Variants in SRSF11 observed in about 807,000 individuals in gnomAD.
The protein encoded by SRSF11 is serine/arginine-rich splicing factor 11.
Under a neutral mutation model 56.0 loss-of-function variants are expected in SRSF11, and 9 were observed. That is an observed-to-expected ratio of 0.16 (90% CI 0.10 to 0.28). The LOEUF is 0.28. Ranked by LOEUF, SRSF11 falls within the 10% of genes least tolerant of loss-of-function variation. The probability of loss-of-function intolerance (pLI) is 1.00; values close to 1 mark genes in which losing one functional copy is unlikely to be tolerated. For synonymous variants in SRSF11, 222 were observed against 215.3 expected, an observed-to-expected ratio of 1.03 and a Z score of -0.27; for missense variants, 421 against 600.7, an observed-to-expected ratio of 0.70 and a Z score of 3.13.
chr1:70,220,199 A>T (rs1670397024), upstream of SRSF11, among the ~76,000 whole-genome samples: 2 of 152,308 alleles, frequency 1.3e-5, no homozygotes, highest in South Asian at 4.1e-4. Flanking sequence ...AGAAAAGAGG[A>T]AGCCCTAACA....
At chr1:70,232,901 A>G (rs531981583) in intron 3 of SRSF11, among the ~76,000 whole-genome samples, 8 of 152,358 alleles carry the variant, frequency 5.3e-5, no homozygotes, top group Admixed American at 1.3e-4. Flanking sequence ...TACGAAGCTT[A>G]TTTTAGAACT....
intron 1 of SRSF11, among the ~76,000 whole-genome samples, chr1:70,216,183 AAG>A (rs1464634610): frequency 6.6e-6 from 1 of 152,216 alleles, no homozygotes; most frequent in Non-Finnish European, 1.5e-5. Flanking sequence ...CATTAGGACT[AAG>A]AGGATTAGTA....
chr1:70,223,517 A>G (rs974796715), intron 1 of SRSF11, among the ~76,000 whole-genome samples: 3 of 152,178 alleles, frequency 2.0e-5, no homozygotes, highest in African/African-American at 4.8e-5. Flanking sequence ...TCCCTCAACT[A>G]TATGATCTGG....
chr1:70,244,893 G>A, intron 8 of SRSF11, 78 bp downstream of exon 8: 1 of 1,436,870 alleles, frequency 7.0e-7, no homozygotes, highest in Non-Finnish European at 9.5e-7. Context: ...CAAAAGAGGT[G>A]GTTGGGGTGC....
At chr1:70,226,146 G>A (rs1331859123) in intron 1 of SRSF11, among the ~76,000 whole-genome samples, 3 of 151,742 alleles carry the variant, frequency 2.0e-5, no homozygotes, top group African/African-American at 7.3e-5. Flanking sequence ...AGCCGAGATC[G>A]TGCCATTGCG....
chr1:70,240,770 C>CTTTTTT (rs72113966), intron 7 of SRSF11, among the ~76,000 whole-genome samples: 5 of 109,910 alleles, frequency 4.5e-5, no homozygotes, highest in Non-Finnish European at 9.1e-5. Flanking sequence ...CATCACTGGA[C>CTTTTTT]TTTTTTTTTT....
chr1:70,236,182 C>A lies in SRSF11; in HGVS notation c.590+632C>A, dbSNP rs538580120. Among the ~76,000 whole-genome samples the A allele has an allele frequency of 2.8e-4, 42 of 152,172 alleles. No individual in the cohort carries two copies. In the East Asian group the frequency reaches 6.8e-3, roughly 24 times the overall value. ...GAAATTATCTAAAAATAAAACCAAG[C>A]ATGTACCCATCACCCAGCTTATAAA... On this transcript the variant is annotated intron_variant, in intron 5 of 11. Coordinates refer to ENST00000370949, the MANE Select transcript of SRSF11 (RefSeq NM_001350605.2).
intron 3 of SRSF11, among the ~76,000 whole-genome samples, chr1:70,232,978 T>G (rs959687575): frequency 1.3e-5 from 2 of 152,208 alleles, no homozygotes; most frequent in Admixed American, 6.5e-5. Context: ...TTTCAAAGAT[T>G]GTAGTGAATG....
intron 1 of SRSF11, among the ~76,000 whole-genome samples, chr1:70,223,719 T>G (rs548506083): frequency 2.0e-5 from 3 of 152,254 alleles, no homozygotes; most frequent in Non-Finnish European, 4.4e-5. Flanking sequence ...AGATGGCTAC[T>G]TTTATTTACT....
At chr1:70,236,332 C>CTTTTTTTT (rs554617176) in intron 5 of SRSF11, among the ~76,000 whole-genome samples, 2 of 133,860 alleles carry the variant, frequency 1.5e-5, no homozygotes, top group African/African-American at 2.8e-5. Context: ...CTTTCTTTTT[C>CTTTTTTTT]TTTTTTTTTT....
chr1:70,238,394 AATTT>A (rs1331250310), intron 6 of SRSF11, among the ~76,000 whole-genome samples: 1 of 152,196 alleles, frequency 6.6e-6, no homozygotes, highest in Non-Finnish European at 1.5e-5. Flanking sequence ...TATTTTTATG[AATTT>A]ATTATAATGA....
intron 1 of SRSF11, among the ~76,000 whole-genome samples, chr1:70,228,076 C>T (rs1672204585): frequency 6.6e-6 from 1 of 152,126 alleles, no homozygotes; most frequent in Non-Finnish European, 1.5e-5. Context: ...TTCTAAGCCC[C>T]AAACTACTGT....
chr1:70,217,347 A>G (rs1193696314), upstream of SRSF11, among the ~76,000 whole-genome samples: 1 of 152,032 alleles, frequency 6.6e-6, no homozygotes, highest in East Asian at 1.9e-4. Context: ...TAGTAGAGGC[A>G]GGGTTTCTCC....
chr1:70,250,470 G>A lies in SRSF11; in HGVS notation c.1224G>A (p.Arg408=). Residue 408 remains arginine, a synonymous_variant, in exon 11 of 12, where the codon CGG becomes CGA. Coordinates refer to ENST00000370949, the MANE Select transcript of SRSF11 (RefSeq NM_001350605.2). ...KKKSKDKEKD[R]ERKSESDKDV... ...AGAGTAAAGATAAGGAAAAGGACCGGGAAAGAAAATCAGAGAGTGATAAAG... is the reference window on the plus strand; with the variant it reads ...AGAGTAAAGATAAGGAAAAGGACCGAGAAAGAAAATCAGAGAGTGATAAAG... The A allele has an allele frequency of 6.2e-7, 1 of 1,604,124 alleles. No individual in the cohort carries two copies. The highest frequency in any genetic ancestry group is 8.5e-7 in the Non-Finnish European group (1 of 1,171,194).
chr1:70,211,367 G>A (rs1669548074), intron 1 of SRSF11, among the ~76,000 whole-genome samples: 1 of 151,878 alleles, frequency 6.6e-6, no homozygotes, highest in Admixed American at 6.6e-5. Context: ...GATTCTGCTT[G>A]CAATTTCATT....
At chr1:70,218,258 G>C (rs1311754902), upstream of SRSF11, among the ~76,000 whole-genome samples, 1 of 152,180 alleles carries the variant, frequency 6.6e-6, no homozygotes, top group Non-Finnish European at 1.5e-5. Flanking sequence ...ATGAGCCACT[G>C]TACCTGGCCA....
intron 5 of SRSF11, 77 bp from the exon 6 acceptor site, chr1:70,237,346 TTA>T: frequency 6.4e-7 from 1 of 1,559,800 alleles, no homozygotes; most frequent in Non-Finnish European, 8.7e-7. Flanking sequence ...TAAAATAATG[TTA>T]TATACTTAAG....
intron 7 of SRSF11, among the ~76,000 whole-genome samples, chr1:70,241,282 T>C (rs1477299773): frequency 6.6e-6 from 1 of 152,142 alleles, no homozygotes; most frequent in Non-Finnish European, 1.5e-5. Flanking sequence ...AAAGCACTTA[T>C]ATCATAAAAT....
chr1:70,207,820 G>C (rs1305534836), intron 1 of SRSF11, among the ~76,000 whole-genome samples: 1 of 151,636 alleles, frequency 6.6e-6, no homozygotes. Flanking sequence ...CGAAATCCTG[G>C]GCTCAAACAG....
Sources: allele counts gnomAD v4.1 joint callset (sites outside exome capture counted in the v4.1 genomes callset), GRCh38; gene constraint gnomAD v4.1.1; transcripts MANE v1.5; gene names NCBI Gene and HGNC (gene_info 2026-07-23, HGNC 2026-07-21).